IARS2: variants seen among roughly 807,000 people sequenced by gnomAD.
IARS2 encodes the protein isoleucine--tRNA ligase, mitochondrial.
Under a neutral mutation model 126.3 loss-of-function variants are expected in IARS2, and 56 were observed. The observed-to-expected ratio is 0.44, with a 90% CI of 0.36 to 0.55. IARS2 has a LOEUF of 0.55. Among genes scored for constraint, IARS2 ranks in the 20% least tolerant of loss-of-function variants. The probability of loss-of-function intolerance (pLI) is 0.00; values close to 1 mark genes in which losing one functional copy is unlikely to be tolerated. For missense variants in IARS2, 1,127 were observed against 1,245.9 expected (o/e 0.90, Z 1.44); for synonymous variants, 407 against 441.1 (o/e 0.92, Z 0.97).
At chr1:220,125,840 T>C (rs1322399893) in intron 13 of IARS2, among the ~76,000 whole-genome samples, 1 of 151,808 alleles carries the variant, frequency 6.6e-6, no homozygotes, top group Non-Finnish European at 1.5e-5. Flanking sequence ...GGCGCAGTGG[T>C]GCACACCTGT....
chr1:220,102,419 A>G lies in IARS2; in HGVS notation c.749+7A>G. On this transcript the variant is annotated splice_region_variant and intron_variant, in intron 5 of 22. Coordinates refer to ENST00000366922, the MANE Select transcript of IARS2 (RefSeq NM_018060.4). ...TTTGGTCTCCGTCATCTAGGTATATATGCATTTTTCGGTAATTAAAAGGGA... is the reference window on the plus strand; with the variant it reads ...TTTGGTCTCCGTCATCTAGGTATATGTGCATTTTTCGGTAATTAAAAGGGA... 1 of 1,613,508 alleles carries G rather than the reference A, an allele frequency of 6.2e-7. No individual in the cohort carries two copies. Among genetic ancestry groups the G allele is most frequent in the Non-Finnish European group, 8.5e-7 (1 of 1,179,746 alleles).
intron 17 of IARS2, among the ~76,000 whole-genome samples, chr1:220,138,426 G>A (rs571730334): frequency 2.4e-4 from 36 of 152,190 alleles, no homozygotes; most frequent in South Asian, 1.2e-3. Flanking sequence ...AGCCGAGATC[G>A]CGCCACTGGA....
chr1:220,136,872 G>A lies in IARS2; in HGVS notation c.2010G>A (p.Gly670=). The change falls in exon 16 of 23, where the codon GGG becomes GGA. Residue 670 remains glycine, a synonymous_variant. Transcript: ENST00000366922. ...EKGEKMSKSL[G]NVIHPDVVVN... ...GAGAAAAGATGTCCAAGTCTCTTGG[G>A]AATGTCATTCATCCTGATGTTGTCG... 1 of 1,611,476 alleles carries A rather than the reference G, an allele frequency of 6.2e-7. No homozygotes were observed. Among genetic ancestry groups the A allele is most frequent in the South Asian group, 1.1e-5 (1 of 90,870 alleles).
chr1:220,141,098 A>C (rs186244172), intron 19 of IARS2, among the ~76,000 whole-genome samples: 2 of 152,030 alleles, frequency 1.3e-5, no homozygotes, highest in African/African-American at 4.8e-5. Context: ...CTGTTTCTTC[A>C]TCTGTAAAAT....
At chr1:220,126,720 A>T in intron 13 of IARS2, 30 bp from the exon 14 acceptor site, 1 of 1,511,304 alleles carries the variant, frequency 6.6e-7, no homozygotes, top group Non-Finnish European at 9.2e-7. Context: ...ATCTTTGTGT[A>T]CCTGACATGC....
At chr1:220,126,335 T>C (rs77246949) in intron 13 of IARS2, among the ~76,000 whole-genome samples, 10,897 of 152,082 alleles carry the variant, frequency 0.072, 522 homozygotes, top group South Asian at 0.15. Context: ...GAGGGTCAAT[T>C]GTTATCTCAT....
intron 14 of IARS2, among the ~76,000 whole-genome samples, chr1:220,128,924 C>T (rs1170088310): frequency 6.7e-6 from 1 of 148,256 alleles, no homozygotes; most frequent in Non-Finnish European, 1.5e-5. Context: ...TTTTTCGAGA[C>T]AGTGTCTCAC....
chr1:220,106,353 A>G (rs1449717444), intron 9 of IARS2, among the ~76,000 whole-genome samples: 1 of 152,172 alleles, frequency 6.6e-6, no homozygotes, highest in Non-Finnish European at 1.5e-5. Context: ...TTCCCTGAAA[A>G]AGCCTGTTTG....
rs1656533780 is a variant in IARS2, at chr1:220,099,785, G to A, written c.391-705G>A. Among the ~76,000 whole-genome samples, 3 of 152,168 alleles carry A rather than the reference G, an allele frequency of 2.0e-5. No individual in the cohort carries two copies. The South Asian group carries it at 6.2e-4, about 32-fold the overall frequency. ...AGTAAAGTGAACCAATCTTAAGTATGTATAGCTAGATGAATTTTTTTTAAT... is the reference window on the plus strand; with the variant it reads ...AGTAAAGTGAACCAATCTTAAGTATATATAGCTAGATGAATTTTTTTTAAT... On this transcript the variant is annotated intron_variant, in intron 2 of 22. Coordinates refer to ENST00000366922, the MANE Select transcript of IARS2 (RefSeq NM_018060.4).
chr1:220,094,411 G>A lies in IARS2; in HGVS notation c.195G>A (p.Leu65=). Residue 65 remains leucine (L), a synonymous_variant, in exon 1 of 23, where the codon CTG becomes CTA. Coordinates refer to ENST00000366922, the MANE Select transcript of IARS2 (RefSeq NM_018060.4). ...SNSGRYRDTV[L]LPQTSFPMKL... ...GTGGCAGATACCGGGACACGGTGCT[G>A]CTGCCGCAGACGAGCTTCCCCATGA... is the stretch of plus-strand genomic sequence containing the variant. 1.2e-6 allele frequency: 2 copies of A among 1,611,514 alleles called. No individual in the cohort carries two copies. The highest frequency in any genetic ancestry group is 1.7e-6 in the Non-Finnish European group (2 of 1,179,414).
chr1:220,097,137 T>C (rs1397006814), intron 2 of IARS2, among the ~76,000 whole-genome samples: 3 of 152,098 alleles, frequency 2.0e-5, no homozygotes, highest in African/African-American at 7.2e-5. Context: ...GAGCCAACAT[T>C]AACTGGATTA....
chr1:220,129,192 A>G (rs557770110), intron 14 of IARS2, among the ~76,000 whole-genome samples: 90 of 152,304 alleles, frequency 5.9e-4, no homozygotes, highest in African/African-American at 1.9e-3. Context: ...AGAGTGTGAT[A>G]TTCTTAACCA....
intron 15 of IARS2, among the ~76,000 whole-genome samples, chr1:220,135,279 A>G (rs953870247): frequency 3.9e-5 from 6 of 152,210 alleles, no homozygotes; most frequent in African/African-American, 1.2e-4. Flanking sequence ...TGTGGGTGAA[A>G]GTACTAATCA....
intron 2 of IARS2, among the ~76,000 whole-genome samples, chr1:220,099,668 G>A (rs898161729): frequency 1.3e-5 from 2 of 152,090 alleles, no homozygotes; most frequent in Non-Finnish European, 2.9e-5. Context: ...ATGTTTTACA[G>A]GGAAGAGACA....
chr1:220,109,076 G>T (rs1386104106), intron 10 of IARS2, among the ~76,000 whole-genome samples: 1 of 151,928 alleles, frequency 6.6e-6, no homozygotes, highest in East Asian at 1.9e-4. Flanking sequence ...AGTGGGGATT[G>T]GGTAGGGAAA....
At position 220,137,941 on chromosome 1, in the gene IARS2, T is replaced by C. The variant is rs141475516; in HGVS notation, c.2073T>C (p.Tyr691=). The stretch of plus-strand genomic sequence containing the variant: ...AGGATCAAAGCAAAGAGCCTCCGTA[T>C]GGTGCTGATGTCCTTCGCTGGTGGG... ...GGQDQSKEPP[Y]GADVLRWWVA... is the part of the protein sequence containing the mutation. Residue 691 remains tyrosine, a synonymous_variant, in exon 17 of 23, where the codon TAT becomes TAC. Coordinates refer to ENST00000366922, the MANE Select transcript of IARS2 (RefSeq NM_018060.4). 94 of 1,614,200 alleles carry C rather than the reference T, an allele frequency of 5.8e-5. No individual in the cohort carries two copies. In the African/African-American group the frequency reaches 1.1e-3, roughly 19 times the overall value.
intron 17 of IARS2, 94 bp downstream of exon 17, chr1:220,138,137 C>G (rs1558131159): frequency 7.3e-7 from 1 of 1,377,518 alleles, no homozygotes; most frequent in Non-Finnish European, 1.0e-6. Flanking sequence ...CTGAAAAAAA[C>G]TGAATGAAAA....
chr1:220,145,078 T>C (rs1328271086), intron 21 of IARS2, among the ~76,000 whole-genome samples: 2 of 145,480 alleles, frequency 1.4e-5, no homozygotes, highest in Non-Finnish European at 3.0e-5. Context: ...CACCCAATGA[T>C]ACATGAAAAA....
chr1:220,117,845 T>C (rs770032241), intron 12 of IARS2: 1 of 524,520 alleles, frequency 1.9e-6, no homozygotes, highest in Non-Finnish European at 3.9e-6. Context: ...GTTAGTCGAT[T>C]TCTGATATTG....
Sources: gnomAD v4.1 joint callset for allele counts (sites outside exome capture counted in the v4.1 genomes callset) on GRCh38, gnomAD v4.1.1 for gene constraint, MANE v1.5 for transcripts, NCBI Gene and HGNC (gene_info 2026-07-23, HGNC 2026-07-21) for gene names.